Variants in PDLIM5 observed in about 807,000 individuals in gnomAD.
The protein encoded by PDLIM5 is PDZ and LIM domain protein 5.
PDLIM5 carries 34 observed loss-of-function variants against 64.2 expected under a neutral mutation model. The ratio of observed to expected loss-of-function variants is 0.53; its 90% CI spans 0.40 to 0.71. PDLIM5 has a LOEUF of 0.71. Among genes scored for constraint, PDLIM5 ranks in the 30% least tolerant of loss-of-function variants. PDLIM5 has a pLI of 0.00. For synonymous variants in PDLIM5, 253 were observed against 269.1 expected (o/e 0.94, Z 0.59); for missense variants, 683 against 733.6 (o/e 0.93, Z 0.80).
At chr4:94,641,962 C>G (rs1209497679) in intron 9 of PDLIM5, among the ~76,000 whole-genome samples, 2 of 152,174 alleles carry the variant, frequency 1.3e-5, no homozygotes, top group Non-Finnish European at 2.9e-5. Flanking sequence ...AGTATGGGGT[C>G]TCTGTCTTAT....
chr4:94,589,639 G>A (rs1560725281), intron 7 of PDLIM5, among the ~76,000 whole-genome samples: 1 of 152,128 alleles, frequency 6.6e-6, no homozygotes. Context: ...CTCTTATACA[G>A]ACTTTCTTCA....
chr4:94,477,857 A>G (rs1446783301), intron 2 of PDLIM5, among the ~76,000 whole-genome samples: 1 of 152,208 alleles, frequency 6.6e-6, no homozygotes, highest in Non-Finnish European at 1.5e-5. Context: ...ACATGAAGAA[A>G]GATGACAAGG....
intron 2 of PDLIM5, among the ~76,000 whole-genome samples, chr4:94,459,129 A>G (rs1723644288): frequency 6.6e-6 from 1 of 152,200 alleles, no homozygotes; most frequent in South Asian, 2.1e-4. Flanking sequence ...CTTGTTGGAT[A>G]ATTCAAGGCT....
At position 94,665,718 on chromosome 4, in the gene PDLIM5, A is replaced by G. The variant is rs1252513843; in HGVS notation, c.*1651A>G. 8.6e-7 allele frequency: 1 copy of G among 1,158,634 alleles called. No individual in the cohort carries two copies. The highest frequency in any genetic ancestry group is 4.5e-5 in the Admixed American group (1 of 22,198). The allele number at this position is 1,158,634 out of a possible 1,614,324, so 71.8% of individuals were successfully genotyped here. On this transcript the variant is annotated 3_prime_UTR_variant, in exon 13 of 13. Coordinates refer to ENST00000317968, the MANE Select transcript of PDLIM5 (RefSeq NM_006457.5). ...TTTCTTCTTCTGCATTTAAAAATTA[A>G]AAGATTGGTTTGAGGATGTGATGAA... is the stretch of plus-strand genomic sequence containing the variant.
chr4:94,625,597 C>T (rs529803641), intron 8 of PDLIM5, among the ~76,000 whole-genome samples: 10 of 152,062 alleles, frequency 6.6e-5, no homozygotes, highest in East Asian at 1.9e-4. Context: ...GGACTACAGG[C>T]GCCCGCCACC....
chr4:94,647,005 C>T (rs551599822), intron 9 of PDLIM5, among the ~76,000 whole-genome samples: 44 of 152,264 alleles, frequency 2.9e-4, no homozygotes, highest in African/African-American at 1.1e-3. Flanking sequence ...CTTCTTTCTC[C>T]TCAAACTTCT....
chr4:94,591,411 G>A (rs1270948845), intron 7 of PDLIM5, among the ~76,000 whole-genome samples: 1 of 152,188 alleles, frequency 6.6e-6, no homozygotes, highest in Non-Finnish European at 1.5e-5. Context: ...ATATGGAGTT[G>A]GAATCTGTGG....
chr4:94,631,064 AC>A (rs1740108252), intron 8 of PDLIM5, among the ~76,000 whole-genome samples: 1 of 138,990 alleles, frequency 7.2e-6, no homozygotes, highest in Non-Finnish European at 1.5e-5. Flanking sequence ...ACCATGCCAA[AC>A]TTTTTTTTTT....
intron 12 of PDLIM5, among the ~76,000 whole-genome samples, chr4:94,663,475 GAAAC>G (rs2110511789): frequency 6.6e-6 from 1 of 152,188 alleles, no homozygotes; most frequent in Admixed American, 6.5e-5. Flanking sequence ...CTGGTTATAA[GAAAC>G]AAACAAAAGA....
At chr4:94,608,666 G>GA (rs1341182431) in intron 7 of PDLIM5, among the ~76,000 whole-genome samples, 13 of 152,208 alleles carry the variant, frequency 8.5e-5, no homozygotes, top group Middle Eastern at 3.4e-3. Flanking sequence ...TCCTGGAGAA[G>GA]AAAAAATTAG....
chr4:94,632,239 T>C (rs943272482), intron 8 of PDLIM5, among the ~76,000 whole-genome samples: 1 of 152,242 alleles, frequency 6.6e-6, no homozygotes, highest in African/African-American at 2.4e-5. Context: ...AGTGCATTGT[T>C]TGGTACATAG....
intron 3 of PDLIM5, among the ~76,000 whole-genome samples, chr4:94,557,789 G>C (rs1733481322): frequency 6.6e-6 from 1 of 152,134 alleles, no homozygotes; most frequent in Non-Finnish European, 1.5e-5. Context: ...TTGCTTATCA[G>C]CTTAAGGAGA....
At chr4:94,463,615 G>A (rs1160329195) in intron 2 of PDLIM5, among the ~76,000 whole-genome samples, 1 of 152,116 alleles carries the variant, frequency 6.6e-6, no homozygotes, top group Non-Finnish European at 1.5e-5. Flanking sequence ...AGGTGGAGGT[G>A]GAAGGGAAGC....
chr4:94,469,669 C>T (rs1412116822), intron 2 of PDLIM5, among the ~76,000 whole-genome samples: 1 of 152,108 alleles, frequency 6.6e-6, no homozygotes, highest in Non-Finnish European at 1.5e-5. Context: ...TTTGATTCCT[C>T]TGGATTAGAG....
chr4:94,651,745 C>CAG (rs1413876315), intron 9 of PDLIM5, among the ~76,000 whole-genome samples: 2 of 152,100 alleles, frequency 1.3e-5, no homozygotes, highest in Non-Finnish European at 2.9e-5. Context: ...GTTCTTGCTG[C>CAG]AGAAATCAGG....
intron 2 of PDLIM5, among the ~76,000 whole-genome samples, chr4:94,490,601 TATC>T (rs1297516728): frequency 5.3e-5 from 8 of 152,118 alleles, no homozygotes; most frequent in South Asian, 2.1e-4. Flanking sequence ...TCTTATTTAT[TATC>T]CTGTTTAATG....
chr4:94,512,124 G>T (rs1215376755), intron 2 of PDLIM5, among the ~76,000 whole-genome samples: 1 of 151,842 alleles, frequency 6.6e-6, no homozygotes, highest in Non-Finnish European at 1.5e-5. Flanking sequence ...AGGTTCAAGC[G>T]ATTCTCCTGC....
chr4:94,547,618 A>G (rs1029345211), intron 3 of PDLIM5, among the ~76,000 whole-genome samples: 1 of 152,210 alleles, frequency 6.6e-6, no homozygotes, highest in Non-Finnish European at 1.5e-5. Flanking sequence ...GGATTAGGAC[A>G]GGGACATCTT....
rs1443914539 is a variant in PDLIM5, at chr4:94,550,643, T to C, written c.249-22708T>C. Reference sequence around the variant, plus strand: ...TTGATGACTTGCAAGTCCATAAATATCTCATTTTGGAACTCTAAAAGTTTG... The same window carrying C: ...TTGATGACTTGCAAGTCCATAAATACCTCATTTTGGAACTCTAAAAGTTTG... On this transcript the variant is annotated intron_variant, in intron 3 of 12. Transcript: ENST00000317968. Among the ~76,000 whole-genome samples the C allele has an allele frequency of 2.0e-5, 3 of 152,262 alleles. No homozygotes were observed. The East Asian group carries it at 5.8e-4, about 29-fold the overall frequency.
Sources: gnomAD v4.1 joint callset for allele counts (sites outside exome capture counted in the v4.1 genomes callset) on GRCh38, gnomAD v4.1.1 for gene constraint, MANE v1.5 for transcripts, NCBI Gene and HGNC (gene_info 2026-07-23, HGNC 2026-07-21) for gene names.